PLD1: variants seen among roughly 807,000 people sequenced by gnomAD.
The protein encoded by PLD1 is phospholipase D1, also known as choline phosphatase 1.
A neutral mutation model predicts 137.1 loss-of-function variants in PLD1; 112 were observed. The observed-to-expected ratio is 0.82, with a 90% CI of 0.70 to 0.96. PLD1 has a LOEUF of 0.96. Ranked by LOEUF, PLD1 falls within the 40% of genes least tolerant of loss-of-function variation. PLD1 has a pLI of 0.00. For missense variants in PLD1, 1,321 were observed against 1,342.0 expected, an observed-to-expected ratio of 0.98 and a Z score of 0.24; for synonymous variants, 431 against 454.7, an observed-to-expected ratio of 0.95 and a Z score of 0.66.
chr3:171,760,753 G>A (rs1204944960), intron 1 of PLD1, among the ~76,000 whole-genome samples: 1 of 152,190 alleles, frequency 6.6e-6, no homozygotes, highest in Non-Finnish European at 1.5e-5. Context: ...GCTTAAGGGG[G>A]ACCTGAGGAA....
chr3:171,709,729 T>C lies in PLD1; in HGVS notation c.912-20A>G, dbSNP rs769727510. ...AGTGTCCTTTAAAGAAAAAGCCAAA[T>C]ATTGAAAAGACTGGTCACTCTGTTC... On this transcript the variant is annotated intron_variant, in intron 9 of 26. Coordinates refer to ENST00000351298, the MANE Select transcript of PLD1 (RefSeq NM_002662.5). The C allele has an allele frequency of 3.7e-6, 6 of 1,605,948 alleles. No homozygotes were observed. The highest frequency in any genetic ancestry group is 5.1e-6 in the Non-Finnish European group (6 of 1,175,758).
At chr3:171,608,013 C>T (rs1732342334) in intron 25 of PLD1, among the ~76,000 whole-genome samples, 1 of 152,042 alleles carries the variant, frequency 6.6e-6, no homozygotes, top group African/African-American at 2.4e-5. Context: ...GGAATGTTTC[C>T]TAATAAAAAG....
intron 1 of PLD1, among the ~76,000 whole-genome samples, chr3:171,767,438 A>G (rs889622912): frequency 2.0e-5 from 3 of 152,248 alleles, no homozygotes; most frequent in African/African-American, 7.2e-5. Context: ...AGCATCTTCT[A>G]AATGAAGAGC....
At chr3:171,603,907 T>A (rs1732004686) in intron 26 of PLD1, among the ~76,000 whole-genome samples, 1 of 152,174 alleles carries the variant, frequency 6.6e-6, no homozygotes, top group Non-Finnish European at 1.5e-5. Flanking sequence ...ATCCCCAAAA[T>A]GTCTTTTATA....
chr3:171,731,637 G>C (rs1037755322), intron 6 of PLD1, among the ~76,000 whole-genome samples: 2 of 151,710 alleles, frequency 1.3e-5, no homozygotes, highest in Middle Eastern at 3.4e-3. Flanking sequence ...AAAATTTGCT[G>C]TAATCCCACC....
At chr3:171,694,232 TA>T (rs1212195836) in intron 12 of PLD1, among the ~76,000 whole-genome samples, 1 of 152,064 alleles carries the variant, frequency 6.6e-6, no homozygotes, top group Non-Finnish European at 1.5e-5. Flanking sequence ...ATTCTTGCTC[TA>T]AAAAAAGCAG....
At chr3:171,728,411 G>A (rs1233553321) in intron 6 of PLD1, among the ~76,000 whole-genome samples, 2 of 152,170 alleles carry the variant, frequency 1.3e-5, no homozygotes, top group Admixed American at 6.5e-5. Context: ...TCTGGTTTGT[G>A]AAAATGCTTC....
chr3:171,766,711 G>A (rs1275408132), intron 1 of PLD1, among the ~76,000 whole-genome samples: 1 of 152,078 alleles, frequency 6.6e-6, no homozygotes, highest in Non-Finnish European at 1.5e-5. Flanking sequence ...CTCCTACCTA[G>A]AAAATTTAAA....
rs1433298632 is a variant in PLD1 at position 171,719,942 on chromosome 3, GA to G, written c.758+4753del. On this transcript the variant is annotated intron_variant, in intron 8 of 26. Coordinates refer to ENST00000351298, the MANE Select transcript of PLD1 (RefSeq NM_002662.5). ...AGAATGTATTTTTATGGGTACAAATGAAAAAAAGTTATGAAGGAGTGTCATC... is the reference window on the plus strand; with the variant it reads ...AGAATGTATTTTTATGGGTACAAATGAAAAAAGTTATGAAGGAGTGTCATC... Among the ~76,000 whole-genome samples, 10 of 152,020 alleles carry G rather than the reference GA, an allele frequency of 6.6e-5. No homozygotes were observed. The East Asian group carries it at 1.2e-3, about 18-fold the overall frequency.
At chr3:171,684,384 C>T (rs1396615810) in intron 16 of PLD1, among the ~76,000 whole-genome samples, 1 of 152,074 alleles carries the variant, frequency 6.6e-6, no homozygotes, top group East Asian at 1.9e-4. Context: ...AACCCTTTAC[C>T]TCTAATATCG....
intron 6 of PLD1, among the ~76,000 whole-genome samples, chr3:171,731,179 T>C (rs1718911961): frequency 6.6e-6 from 1 of 152,240 alleles, no homozygotes; most frequent in South Asian, 2.1e-4. Flanking sequence ...AAAATAGGTT[T>C]GTTTTATACT....
At chr3:171,713,866 T>A (rs1289331171) in intron 9 of PLD1, 27 bp downstream of exon 9, 11 of 1,579,180 alleles carry the variant, frequency 7.0e-6, no homozygotes, top group Non-Finnish European at 9.5e-6. Context: ...TTTGTAGAAA[T>A]CTTTTTTAAA....
intron 1 of PLD1, among the ~76,000 whole-genome samples, chr3:171,775,965 T>C (rs746993127): frequency 3.3e-5 from 5 of 152,184 alleles, no homozygotes; most frequent in Non-Finnish European, 7.4e-5. Context: ...TGGAGACAGC[T>C]TTCAAAGCTA....
chr3:171,657,896 A>G (rs1361371478), intron 21 of PLD1, among the ~76,000 whole-genome samples: 1 of 152,186 alleles, frequency 6.6e-6, no homozygotes, highest in Admixed American at 6.5e-5. Context: ...GGGAGAAACT[A>G]GGAATCATAT....
At chr3:171,767,504 T>C (rs1023936816) in intron 1 of PLD1, among the ~76,000 whole-genome samples, 1 of 152,238 alleles carries the variant, frequency 6.6e-6, no homozygotes, top group Non-Finnish European at 1.5e-5. Context: ...CTGGGTTATA[T>C]TGGACATAAT....
intron 3 of PLD1, among the ~76,000 whole-genome samples, chr3:171,736,089 C>T (rs957147764): frequency 5.3e-5 from 8 of 152,142 alleles, no homozygotes; most frequent in East Asian, 3.9e-4. Context: ...AGAAATGGCA[C>T]GACATGCCTT....
At position 171,671,902 on chromosome 3, in the gene PLD1, GA is replaced by G. The variant is rs367599839; in HGVS notation, c.2229+2597del. Among the ~76,000 whole-genome samples the G allele has an allele frequency of 2.0e-3, 286 of 142,726 alleles. 2 individuals carry two copies. Among genetic ancestry groups the G allele is most frequent in the East Asian group, 0.015 (74 of 4,918 alleles). The allele number at this position is 142,726 out of a possible 152,430, so 93.6% of individuals were successfully genotyped here. A position where few individuals can be genotyped will look rare whatever the true frequency, so the allele number is the denominator to read the frequency against. On this transcript the variant is annotated intron_variant, in intron 19 of 26. Transcript: ENST00000351298. ...CCTGCATCATGCTTCTTGCCCAATC[GA>G]AAAAAAAAAACATCCAAAGTTCACT...
intron 1 of PLD1, among the ~76,000 whole-genome samples, chr3:171,741,813 G>A (rs562977048): frequency 6.6e-6 from 1 of 152,122 alleles, no homozygotes; most frequent in South Asian, 2.1e-4. Flanking sequence ...TTGGGAAGTA[G>A]AACATCAAAG....
intron 23 of PLD1, among the ~76,000 whole-genome samples, chr3:171,627,455 T>C (rs1430738891): frequency 2.0e-5 from 3 of 152,092 alleles, no homozygotes; most frequent in East Asian, 1.9e-4. Context: ...ATCAACGAGA[T>C]AGAAAGTTAA....
Sources: allele counts gnomAD v4.1 joint callset (sites outside exome capture counted in the v4.1 genomes callset), GRCh38; gene constraint gnomAD v4.1.1; transcripts MANE v1.5; gene names NCBI Gene and HGNC (gene_info 2026-07-23, HGNC 2026-07-21).